Variants in PPP3CB observed in about 807,000 individuals in gnomAD.
PPP3CB encodes serine/threonine-protein phosphatase 2B catalytic subunit beta isoform.
In PPP3CB, 8 loss-of-function variants were observed where a neutral mutation model predicts 66.4. The observed-to-expected ratio is 0.12, with a 90% CI of 0.07 to 0.22. The LOEUF (loss-of-function observed/expected upper bound fraction) is 0.22, where lower values mean the gene tolerates loss of function less well. PPP3CB is among the 10% of genes least tolerant of loss of function. The pLI, the probability that PPP3CB is intolerant of heterozygous loss-of-function variation, is 1.00. For synonymous variants in PPP3CB, 208 were observed against 221.2 expected (o/e 0.94, Z 0.53); for missense variants, 319 against 642.5 (o/e 0.50, Z 5.44).
intron 9 of PPP3CB, among the ~76,000 whole-genome samples, chr10:73,462,949 CAAAAAAAAAAAAAAAA>C (rs10569079): frequency 1.7e-5 from 1 of 58,820 alleles, no homozygotes; most frequent in African/African-American, 7.1e-5. Context: ...GACTCTGTCT[CAAAAAAAAAAAAAAAA>C]AAAAAAAAAA....
At chr10:73,467,480 T>C in intron 9 of PPP3CB, 73 bp downstream of exon 9, 4 of 1,221,860 alleles carry the variant, frequency 3.3e-6, no homozygotes, top group Non-Finnish European at 4.3e-6. Flanking sequence ...TTAGCAAGTA[T>C]GTGCCTATGA....
chr10:73,439,857 G>T lies in PPP3CB; in HGVS notation c.1396+15C>A. The T allele has an allele frequency of 6.2e-7, 1 of 1,612,342 alleles. No homozygotes were observed. Among genetic ancestry groups the T allele is most frequent in the Non-Finnish European group, 8.5e-7 (1 of 1,178,482 alleles). ...CACCACAGATCTCTGCCCAGCACAA[G>T]GACTCTGATCATACCTTTTTCAGCC... On this transcript the variant is annotated intron_variant, in intron 13 of 13. Coordinates refer to ENST00000360663, the MANE Select transcript of PPP3CB (RefSeq NM_021132.4).
At chr10:73,483,724 T>C (rs1313365025) in intron 1 of PPP3CB, among the ~76,000 whole-genome samples, 2 of 152,140 alleles carry the variant, frequency 1.3e-5, no homozygotes, top group African/African-American at 4.8e-5. Flanking sequence ...GCACGTATAG[T>C]GTTGTTTTGC....
intron 1 of PPP3CB, among the ~76,000 whole-genome samples, chr10:73,494,857 G>A (rs1319982383): frequency 1.3e-5 from 2 of 152,098 alleles, no homozygotes; most frequent in Non-Finnish European, 2.9e-5. Flanking sequence ...TATCAATCAA[G>A]CTACATGGTA....
At chr10:73,484,138 C>CAA (rs201452826) in intron 1 of PPP3CB, among the ~76,000 whole-genome samples, 3 of 147,036 alleles carry the variant, frequency 2.0e-5, no homozygotes, top group East Asian at 3.9e-4. Context: ...GACTCTATCT[C>CAA]AAAAAAAAAA....
intron 1 of PPP3CB, among the ~76,000 whole-genome samples, chr10:73,494,609 C>A (rs1164015997): frequency 1.3e-5 from 2 of 150,716 alleles, no homozygotes; most frequent in Non-Finnish European, 3.0e-5. Context: ...TAGTATTATT[C>A]TTTTAAGAAC....
Position 73,453,407 on chromosome 10 carries a change from CGT to C in PPP3CB, c.1186+1003_1186+1004del, listed in dbSNP as rs141940852. ...AATGAGATTATGAAAATTAAATTTT[CGT>C]GTGTGTGTGTGTGTATATATATATT... On this transcript the variant is annotated intron_variant, in intron 10 of 13. Transcript: ENST00000360663. 4.6e-3 allele frequency among the ~76,000 whole-genome samples: 689 copies of C among 151,378 alleles called. 3 individuals carry two copies. The highest frequency in any genetic ancestry group is 0.015 in the African/African-American group (630 of 41,306).
At chr10:73,443,278 AAGAAAGAC>A (rs779096007) in intron 12 of PPP3CB, among the ~76,000 whole-genome samples, 1,508 of 103,244 alleles carry the variant, frequency 0.015, 23 homozygotes, top group South Asian at 0.033. Context: ...GAAAGAAAGA[AAGAAAGAC>A]AGAAAGAAAG....
At chr10:73,481,635 C>CA (rs924347498) in intron 1 of PPP3CB, among the ~76,000 whole-genome samples, 285 of 137,136 alleles carry the variant, frequency 2.1e-3, no homozygotes, top group Admixed American at 8.6e-3. Flanking sequence ...TAAAAAAAAA[C>CA]AAAAAAAAAA....
At chr10:73,441,729 T>C (rs1264231976) in intron 12 of PPP3CB, among the ~76,000 whole-genome samples, 2 of 152,188 alleles carry the variant, frequency 1.3e-5, no homozygotes, top group Non-Finnish European at 1.5e-5. Context: ...ATTTCCCATA[T>C]AGATCCTGGT....
chr10:73,474,039 A>G (rs1484842525), intron 4 of PPP3CB, among the ~76,000 whole-genome samples: 36 of 152,056 alleles, frequency 2.4e-4, no homozygotes, highest in Admixed American at 2.4e-3. Flanking sequence ...GTTAGAAAAA[A>G]TATATACATT....
intron 10 of PPP3CB, among the ~76,000 whole-genome samples, chr10:73,452,174 A>G (rs2056357283): frequency 6.6e-6 from 1 of 152,222 alleles, no homozygotes; most frequent in Admixed American, 6.5e-5. Context: ...ACTTTCTAAA[A>G]AAAAGTAGGC....
intron 1 of PPP3CB, among the ~76,000 whole-genome samples, chr10:73,493,396 T>C (rs542224281): frequency 6.6e-6 from 1 of 152,314 alleles, no homozygotes; most frequent in Non-Finnish European, 1.5e-5. Flanking sequence ...CATTGTGGAC[T>C]TAAAAGAAAT....
intron 1 of PPP3CB, among the ~76,000 whole-genome samples, chr10:73,488,729 T>C (rs1280173967): frequency 6.6e-6 from 1 of 152,188 alleles, no homozygotes; most frequent in Non-Finnish European, 1.5e-5. Context: ...GGTTTTTAAA[T>C]ATACCTTTCC....
At chr10:73,489,696 C>T (rs1310432871) in intron 1 of PPP3CB, among the ~76,000 whole-genome samples, 1 of 152,204 alleles carries the variant, frequency 6.6e-6, no homozygotes, top group African/African-American at 2.4e-5. Context: ...GTACTATATA[C>T]TGCTATACTG....
intron 2 of PPP3CB, 26 bp downstream of exon 2, chr10:73,479,291 A>C (rs2056837319): frequency 6.3e-7 from 1 of 1,595,590 alleles, no homozygotes; most frequent in Non-Finnish European, 8.6e-7. Flanking sequence ...TAATAAAAAT[A>C]ATACCCAAAA....
At position 73,474,427 on chromosome 10, in the gene PPP3CB, G is replaced by GA. The variant is rs200185345; in HGVS notation, c.523+491dup. 1.2e-4 allele frequency among the ~76,000 whole-genome samples: 18 copies of GA among 150,612 alleles called. No individual in the cohort carries two copies. The South Asian group carries it at 1.7e-3, about 14-fold the overall frequency. Reference sequence around the variant, plus strand: ...TAAACATAATAAGAAATTCTGAAATGAAAAAAAATTTTTTTTTTTGAGACA... The same window carrying GA: ...TAAACATAATAAGAAATTCTGAAATGAAAAAAAAATTTTTTTTTTTGAGACA... On this transcript the variant is annotated intron_variant, in intron 4 of 13. Transcript: ENST00000360663.
At chr10:73,484,726 T>G (rs1178279391) in intron 1 of PPP3CB, among the ~76,000 whole-genome samples, 1 of 152,016 alleles carries the variant, frequency 6.6e-6, no homozygotes, top group Non-Finnish European at 1.5e-5. Context: ...ACAACTGAAA[T>G]GGCTAATAAT....
intron 9 of PPP3CB, among the ~76,000 whole-genome samples, chr10:73,458,700 A>G (rs1424277276): frequency 6.6e-6 from 1 of 150,630 alleles, no homozygotes; most frequent in Non-Finnish European, 1.5e-5. Flanking sequence ...ATGTTTATAT[A>G]TTAAAATGTA....
Sources: gnomAD v4.1 joint callset for allele counts (sites outside exome capture counted in the v4.1 genomes callset) on GRCh38, gnomAD v4.1.1 for gene constraint, MANE v1.5 for transcripts, NCBI Gene and HGNC (gene_info 2026-07-23, HGNC 2026-07-21) for gene names.